The following ROBO1 variants were observed in gnomAD, a reference collection of about 807,000 sequenced individuals.
ROBO1 encodes roundabout homolog 1.
Under a neutral mutation model 195.9 loss-of-function variants are expected in ROBO1, and 149 were observed. The observed-to-expected ratio is 0.76, with a 90% confidence interval of 0.67 to 0.87. ROBO1 has a LOEUF of 0.87. Among genes scored for constraint, ROBO1 ranks in the 40% least tolerant of loss-of-function variants. The pLI is 0.00. For synonymous variants in ROBO1, 816 were observed against 733.2 expected, an observed-to-expected ratio of 1.11 and a Z score of -1.82; for missense variants, 1,933 against 2,068.3, an observed-to-expected ratio of 0.93 and a Z score of 1.27.
intron 4 of ROBO1, among the ~76,000 whole-genome samples, chr3:78,886,898 C>T (rs774050760): frequency 1.4e-4 from 21 of 152,016 alleles, no homozygotes; most frequent in Non-Finnish European, 2.8e-4. Flanking sequence ...CAAGGAGATT[C>T]TGAGTTGCTG....
chr3:78,751,917 T>C (rs1009401256), intron 4 of ROBO1, among the ~76,000 whole-genome samples: 3 of 152,080 alleles, frequency 2.0e-5, no homozygotes, highest in Non-Finnish European at 4.4e-5. Context: ...GGGGAAGATA[T>C]TCTGCAGTCC....
In ROBO1 at chr3:79,076,142, C is replaced by G. The variant is rs1478216830; in HGVS notation, c.172+49314G>C. Among the ~76,000 whole-genome samples the G allele has an allele frequency of 4.0e-5, 6 of 149,920 alleles. No homozygotes were observed. The East Asian group carries it at 1.2e-3, about 29-fold the overall frequency. ...ATGAAAACAAATGAGTTTATACTTACAAAGAACTTAGAATTGTGCATGGAC... is the reference window on the plus strand; with the variant it reads ...ATGAAAACAAATGAGTTTATACTTAGAAAGAACTTAGAATTGTGCATGGAC... On this transcript the variant is annotated intron_variant, in intron 3 of 30. Coordinates refer to ENST00000464233, the MANE Select transcript of ROBO1 (RefSeq NM_002941.4).
chr3:79,732,877 T>G (rs2107365600), intron 1 of ROBO1, among the ~76,000 whole-genome samples: 1 of 152,316 alleles, frequency 6.6e-6, no homozygotes, highest in South Asian at 2.1e-4. Flanking sequence ...TTTTCATGTT[T>G]TAAAGTGCAA....
At position 79,236,529 on chromosome 3, in the gene ROBO1, A is replaced by C. The variant is rs1358222418; in HGVS notation, c.89-110990T>G. The stretch of plus-strand genomic sequence containing the variant: ...CATTTTTTTTGACTTCCAACAACTT[A>C]AAGTCTTTTTGTACAGGGAACGTTT... On this transcript the variant is annotated intron_variant, in intron 2 of 30. Transcript: ENST00000464233. Among the ~76,000 whole-genome samples, 7 of 152,186 alleles carry C rather than the reference A, an allele frequency of 4.6e-5. No individual in the cohort carries two copies. In the South Asian group the frequency reaches 1.0e-3, roughly 22 times the overall value.
intron 2 of ROBO1, among the ~76,000 whole-genome samples, chr3:79,212,568 C>T (rs2081984160): frequency 6.6e-6 from 1 of 152,152 alleles, no homozygotes; most frequent in Non-Finnish European, 1.5e-5. Context: ...CACCTACAAT[C>T]CCAGCACTTT....
At chr3:78,774,345 C>T (rs1418244550) in intron 4 of ROBO1, among the ~76,000 whole-genome samples, 1 of 151,078 alleles carries the variant, frequency 6.6e-6, no homozygotes, top group Non-Finnish European at 1.5e-5. Context: ...GAGTCTCGCT[C>T]TATCGCCCAG....
intron 2 of ROBO1, among the ~76,000 whole-genome samples, chr3:79,127,965 A>C (rs1432901782): frequency 6.6e-6 from 1 of 152,160 alleles, no homozygotes; most frequent in Non-Finnish European, 1.5e-5. Flanking sequence ...AAGGAAACAA[A>C]AGGTGCTATT....
intron 8 of ROBO1, among the ~76,000 whole-genome samples, chr3:78,711,397 TCC>T (rs1491255435): frequency 4.1e-5 from 2 of 48,842 alleles, no homozygotes; most frequent in East Asian, 4.4e-4. Flanking sequence ...CTTCCTTCCT[TCC>T]TTTCTTTCTT....
rs571163966 is a variant in ROBO1, at chr3:79,129,111, T to A, written c.89-3572A>T. Among the ~76,000 whole-genome samples the A allele has an allele frequency of 1.6e-3, 249 of 152,310 alleles. 2 individuals carry two copies. Among genetic ancestry groups the A allele is most frequent in the African/African-American group, 5.5e-3 (227 of 41,584 alleles). ...CATTGGTGATTCAACTTCATGTAAA[T>A]TCAAAGAAGCTTCACACTTTTTCTC... is the stretch of plus-strand genomic sequence containing the variant. On this transcript the variant is annotated intron_variant, in intron 2 of 30. Transcript: ENST00000464233.
intron 3 of ROBO1, among the ~76,000 whole-genome samples, chr3:79,123,153 G>A (rs1040633805): frequency 6.6e-6 from 1 of 151,628 alleles, no homozygotes; most frequent in Non-Finnish European, 1.5e-5. Flanking sequence ...CTATGCCCAG[G>A]GTTATTAAAC....
chr3:79,433,343 T>C, intron 2 of ROBO1, among the ~76,000 whole-genome samples: 1 of 152,174 alleles, frequency 6.6e-6, no homozygotes, highest in East Asian at 1.9e-4. Flanking sequence ...TCTATGCATC[T>C]ATTGCATCTA....
At chr3:78,757,070 T>G (rs2082950971) in intron 4 of ROBO1, among the ~76,000 whole-genome samples, 1 of 152,088 alleles carries the variant, frequency 6.6e-6, no homozygotes, top group African/African-American at 2.4e-5. Context: ...TTTTGTACTT[T>G]TAGTAGAGAC....
At chr3:78,681,132 A>G (rs558868079) in intron 10 of ROBO1, among the ~76,000 whole-genome samples, 68 of 151,298 alleles carry the variant, frequency 4.5e-4, no homozygotes, top group Middle Eastern at 6.8e-3. Context: ...GAATTGAACA[A>G]TGAGAACACA....
At chr3:79,365,589 C>T (rs1246281018) in intron 2 of ROBO1, among the ~76,000 whole-genome samples, 3 of 152,066 alleles carry the variant, frequency 2.0e-5, no homozygotes, top group Non-Finnish European at 4.4e-5. Context: ...TTTAACTCTC[C>T]GTGTTAAAAC....
intron 3 of ROBO1, among the ~76,000 whole-genome samples, chr3:78,958,286 T>C (rs1298829751): frequency 6.6e-6 from 1 of 152,210 alleles, no homozygotes; most frequent in East Asian, 1.9e-4. Flanking sequence ...CAAGGTGATT[T>C]CTAATGTACA....
At chr3:78,955,588 C>A (rs1341993995) in intron 3 of ROBO1, among the ~76,000 whole-genome samples, 1 of 151,954 alleles carries the variant, frequency 6.6e-6, no homozygotes, top group African/African-American at 2.4e-5. Context: ...CTGTATATTA[C>A]AAATATAATT....
chr3:78,641,189 T>A (rs2107566226), intron 21 of ROBO1, among the ~76,000 whole-genome samples: 1 of 152,344 alleles, frequency 6.6e-6, no homozygotes, highest in Admixed American at 6.5e-5. Context: ...AGGGAGGTAC[T>A]GTTATCCAGA....
intron 2 of ROBO1, among the ~76,000 whole-genome samples, chr3:79,390,778 A>C (rs1191369856): frequency 6.6e-6 from 1 of 152,080 alleles, no homozygotes; most frequent in African/African-American, 2.4e-5. Flanking sequence ...TAGGAGAAAA[A>C]TGTAGTAAAA....
At chr3:78,994,200 T>C (rs1385357735) in intron 3 of ROBO1, among the ~76,000 whole-genome samples, 2 of 152,126 alleles carry the variant, frequency 1.3e-5, no homozygotes, top group African/African-American at 2.4e-5. Flanking sequence ...TGGTCACAAG[T>C]AACCTTATGC....
Sources: allele counts gnomAD v4.1 joint callset (sites outside exome capture counted in the v4.1 genomes callset), GRCh38; gene constraint gnomAD v4.1.1; transcripts MANE v1.5; gene names NCBI Gene and HGNC (gene_info 2026-07-23, HGNC 2026-07-21).